Variants in ATP8B1 observed in about 807,000 individuals in gnomAD.
The protein encoded by ATP8B1 is ATPase phospholipid transporting 8B1.
Under a neutral mutation model 149.9 loss-of-function variants are expected in ATP8B1, and 80 were observed. That is an observed-to-expected ratio of 0.53 (90% CI 0.45 to 0.64). The LOEUF (loss-of-function observed/expected upper bound fraction) is 0.64. Ranked by LOEUF, ATP8B1 falls within the 30% of genes least tolerant of loss-of-function variation. The pLI is 0.00. For missense variants in ATP8B1, 1,247 were observed against 1,552.6 expected (o/e 0.80, Z 3.31); for synonymous variants, 536 against 562.8 (o/e 0.95, Z 0.67).
chr18:57,773,875 GCT>G (rs1599223817), intron 1 of ATP8B1, among the ~76,000 whole-genome samples: 1 of 152,046 alleles, frequency 6.6e-6, no homozygotes, highest in East Asian at 1.9e-4. Context: ...CTTGGCTGAA[GCT>G]CTGTTCTCCC....
intron 22 of ATP8B1, among the ~76,000 whole-genome samples, chr18:57,656,202 T>G (rs1350273458): frequency 6.6e-6 from 1 of 152,102 alleles, no homozygotes; most frequent in Non-Finnish European, 1.5e-5. Context: ...TAGTCCCCTG[T>G]ATGAATCTTT....
At chr18:57,653,248 T>G (rs1024554142) in intron 24 of ATP8B1, among the ~76,000 whole-genome samples, 1 of 151,778 alleles carries the variant, frequency 6.6e-6, no homozygotes, top group African/African-American at 2.4e-5. Flanking sequence ...GGAGACATAT[T>G]GGACTCTCGG....
chr18:57,779,156 C>G (rs2080336297), intron 1 of ATP8B1, among the ~76,000 whole-genome samples: 1 of 151,994 alleles, frequency 6.6e-6, no homozygotes, highest in Non-Finnish European at 1.5e-5. Context: ...AACCCCATCT[C>G]TACAAAAAAT....
chr18:57,694,181 T>C lies in ATP8B1; in HGVS notation c.1029+401A>G, dbSNP rs181297274. On this transcript the variant is annotated intron_variant, in intron 11 of 27. Coordinates refer to ENST00000648908, the MANE Select transcript of ATP8B1 (RefSeq NM_001374385.1). ...CTTGTATTTGGAGCTATACAGTATA[T>C]GTTGGGGGTGCTGGGGGAGGCTTGC... Among the ~76,000 whole-genome samples the C allele has an allele frequency of 3.9e-5, 6 of 152,270 alleles. No individual in the cohort carries two copies. In the East Asian group the frequency reaches 1.2e-3, roughly 29 times the overall value.
At chr18:57,762,732 CT>C (rs1437803438) in intron 1 of ATP8B1, among the ~76,000 whole-genome samples, 1 of 152,178 alleles carries the variant, frequency 6.6e-6, no homozygotes, top group Admixed American at 6.5e-5. Context: ...AACCTACTTA[CT>C]TTTTTGCTTT....
chr18:57,778,711 C>T (rs965167681), intron 1 of ATP8B1, among the ~76,000 whole-genome samples: 5 of 152,178 alleles, frequency 3.3e-5, no homozygotes, highest in African/African-American at 7.2e-5. Context: ...TGGCCAGAGG[C>T]CAGCTCCAGT....
intron 2 of ATP8B1, among the ~76,000 whole-genome samples, chr18:57,730,680 G>A (rs988981519): frequency 6.6e-6 from 1 of 152,098 alleles, no homozygotes; most frequent in African/African-American, 2.4e-5. Context: ...CTCAACATTG[G>A]CAGAGACCAC....
chr18:57,706,302 A>C (rs1913389280), intron 3 of ATP8B1, among the ~76,000 whole-genome samples, 188 bp downstream of exon 3: 1 of 152,200 alleles, frequency 6.6e-6, no homozygotes, highest in Admixed American at 6.5e-5. Context: ...TTTTGTTTCA[A>C]GTCACCCGCT....
intron 2 of ATP8B1, among the ~76,000 whole-genome samples, chr18:57,726,403 A>C (rs1353554027): frequency 1.3e-5 from 2 of 152,228 alleles, no homozygotes; most frequent in South Asian, 2.1e-4. Context: ...CAACAAAGTA[A>C]AGAGACAACA....
At chr18:57,777,393 G>A (rs917864843) in intron 1 of ATP8B1, among the ~76,000 whole-genome samples, 1 of 152,116 alleles carries the variant, frequency 6.6e-6, no homozygotes, top group Admixed American at 6.6e-5. Flanking sequence ...GCCATTGAAA[G>A]TCAAATTCCA....
chr18:57,742,554 G>A (rs1161783853), intron 1 of ATP8B1, among the ~76,000 whole-genome samples: 1 of 152,144 alleles, frequency 6.6e-6, no homozygotes, highest in Non-Finnish European at 1.5e-5. Context: ...TTGGCTGCCT[G>A]GGTGTGGTGG....
intron 20 of ATP8B1, among the ~76,000 whole-genome samples, chr18:57,666,016 G>A (rs976845247): frequency 6.6e-6 from 1 of 152,100 alleles, no homozygotes; most frequent in Non-Finnish European, 1.5e-5. Context: ...ACTAGAAAAT[G>A]CTTTATCACC....
intron 21 of ATP8B1, 69 bp downstream of exon 21, chr18:57,662,414 A>C: frequency 6.3e-7 from 1 of 1,592,706 alleles, no homozygotes; most frequent in Non-Finnish European, 8.6e-7. Context: ...ATGTGAAAGC[A>C]TCTAAAAGTG....
intron 21 of ATP8B1, among the ~76,000 whole-genome samples, 156 bp downstream of exon 21, chr18:57,662,327 A>C (rs185157429): frequency 5.9e-5 from 9 of 152,348 alleles, no homozygotes. Flanking sequence ...TTCATATATC[A>C]TATATTATTA....
chr18:57,767,199 A>C (rs1568062519), intron 1 of ATP8B1, among the ~76,000 whole-genome samples: 1 of 152,218 alleles, frequency 6.6e-6, no homozygotes, highest in African/African-American at 2.4e-5. Context: ...AGGTGAGCTC[A>C]TCAGCTCCGG....
At chr18:57,743,570 G>C (rs2079938383) in intron 1 of ATP8B1, among the ~76,000 whole-genome samples, 1 of 152,138 alleles carries the variant, frequency 6.6e-6, no homozygotes, top group African/African-American at 2.4e-5. Flanking sequence ...GGGAGTCACA[G>C]AGGTGAGCAA....
chr18:57,660,920 T>TC (rs1910348777), intron 22 of ATP8B1, among the ~76,000 whole-genome samples: 1 of 152,026 alleles, frequency 6.6e-6, no homozygotes, highest in Admixed American at 6.6e-5. Context: ...AGGATAAATT[T>TC]CCCCCCATAG....
intron 20 of ATP8B1, among the ~76,000 whole-genome samples, chr18:57,666,557 C>CA (rs1910871140): frequency 7.0e-6 from 1 of 143,010 alleles, no homozygotes; most frequent in East Asian, 2.1e-4. Context: ...TTTAATGAGA[C>CA]AGAGTTTCAC....
chr18:57,715,126 G>T (rs1262000764), intron 2 of ATP8B1, among the ~76,000 whole-genome samples: 2 of 152,110 alleles, frequency 1.3e-5, no homozygotes, highest in African/African-American at 2.4e-5. Flanking sequence ...AGACAACACA[G>T]AAAAAGTTTA....
Sources: gnomAD v4.1 joint callset for allele counts (sites outside exome capture counted in the v4.1 genomes callset) on GRCh38, gnomAD v4.1.1 for gene constraint, MANE v1.5 for transcripts, NCBI Gene and HGNC (gene_info 2026-07-23, HGNC 2026-07-21) for gene names.